Variants in USH2A observed in about 807,000 individuals in gnomAD.
USH2A encodes usherin.
Under a neutral mutation model 538.9 loss-of-function variants are expected in USH2A, and 443 were observed. The ratio of observed to expected loss-of-function variants is 0.82; its 90% CI spans 0.76 to 0.89. The LOEUF (loss-of-function observed/expected upper bound fraction) is 0.89, where lower values mean the gene tolerates loss of function less well. Among genes scored for constraint, USH2A ranks in the 40% least tolerant of loss-of-function variants. The pLI is 0.00. For missense variants in USH2A, 6,633 were observed against 6,324.8 expected, an observed-to-expected ratio of 1.05 and a Z score of -1.65; for synonymous variants, 2,413 against 2,273.5, an observed-to-expected ratio of 1.06 and a Z score of -1.75.
intron 61 of USH2A, among the ~76,000 whole-genome samples, chr1:215,699,623 T>C (rs896627083): frequency 3.2e-4 from 48 of 152,158 alleles, no homozygotes; most frequent in African/African-American, 1.1e-3. Flanking sequence ...CTCTTTCTAT[T>C]ATTGGTGTAT....
chr1:216,267,785 C>T lies in USH2A; in HGVS notation c.1972-16687G>A, dbSNP rs1327901404. On this transcript the variant is annotated intron_variant, in intron 11 of 71. Transcript: ENST00000307340. ...TGTCTTGTCTGAAAATATAACTTCC[C>T]AGTGTACCATACACTCCCCAAGGGC... 2.6e-5 allele frequency among the ~76,000 whole-genome samples: 4 copies of T among 152,048 alleles called. No homozygotes were observed. In the East Asian group the frequency reaches 7.7e-4, roughly 29 times the overall value.
intron 68 of USH2A, 60 bp downstream of exon 68, chr1:215,640,498 T>C: frequency 1.9e-6 from 3 of 1,602,178 alleles, no homozygotes; most frequent in Non-Finnish European, 2.6e-6. Context: ...AGATTTAGCA[T>C]CCCGTAAAGC....
chr1:216,025,051 G>T (rs1668930897), intron 32 of USH2A, among the ~76,000 whole-genome samples: 1 of 151,762 alleles, frequency 6.6e-6, no homozygotes, highest in African/African-American at 2.4e-5. Context: ...ATTTCAGTGA[G>T]GATAACAACA....
intron 34 of USH2A, among the ~76,000 whole-genome samples, chr1:215,997,053 C>A (rs1158138783): frequency 1.3e-5 from 2 of 152,096 alleles, no homozygotes; most frequent in African/African-American, 4.8e-5. Flanking sequence ...AATCTAATGA[C>A]CTTGAAAGCC....
rs780378545 is a variant in USH2A at position 216,086,828 on chromosome 1, AGAG to A, written c.4886-11_4886-9del. On this transcript the variant is annotated splice_polypyrimidine_tract_variant and intron_variant, in intron 23 of 71. Coordinates refer to ENST00000307340, the MANE Select transcript of USH2A (RefSeq NM_206933.4). ...TCAGGATGGCAGAGGAACCTAGAGA[AGAG>A]GAGATGAGAAATACACCTTCACCAG... 2 of 1,601,028 alleles carry A rather than the reference AGAG, an allele frequency of 1.2e-6. No individual in the cohort carries two copies. The highest frequency in any genetic ancestry group is 3.3e-5 in the Admixed American group (2 of 59,780).
chr1:215,901,524 C>A (rs75369310), intron 38 of USH2A: 1,789 of 157,690 alleles, frequency 0.011, 18 homozygotes, highest in Middle Eastern at 0.027. Flanking sequence ...TATACAATTA[C>A]CCTTCTCAGA....
At chr1:216,392,423 C>A (rs1339852048) in intron 3 of USH2A, among the ~76,000 whole-genome samples, 1 of 136,912 alleles carries the variant, frequency 7.3e-6, no homozygotes, top group African/African-American at 2.8e-5. Context: ...CCCCAAGAGG[C>A]AGAGCTTGCA....
At position 216,304,586 on chromosome 1, in the gene USH2A, C is replaced by T. The variant is rs1042232986; in HGVS notation, c.1645-12216G>A. ...GGGTTTGGTTTTTGTTTCTCTAGTTCCTTGAGGTGTGACCTTAGATTGTCT... is the reference window on the plus strand; with the variant it reads ...GGGTTTGGTTTTTGTTTCTCTAGTTTCTTGAGGTGTGACCTTAGATTGTCT... On this transcript the variant is annotated intron_variant, in intron 9 of 71. Coordinates refer to ENST00000307340, the MANE Select transcript of USH2A (RefSeq NM_206933.4). 2.0e-5 allele frequency among the ~76,000 whole-genome samples: 3 copies of T among 151,562 alleles called. 1 individual carries two copies. The highest frequency in any genetic ancestry group is 4.2e-4 in the South Asian group (2 of 4,810).
chr1:216,404,618 C>CTTTTT (rs375562284), intron 3 of USH2A, among the ~76,000 whole-genome samples: 9 of 110,032 alleles, frequency 8.2e-5, no homozygotes, highest in African/African-American at 2.4e-4. Context: ...GAAACATAGG[C>CTTTTT]TTTTTTTTTT....
chr1:216,218,790 A>G (rs2035394670), intron 14 of USH2A, among the ~76,000 whole-genome samples: 1 of 152,074 alleles, frequency 6.6e-6, no homozygotes, highest in South Asian at 2.1e-4. Flanking sequence ...TCAGAATTCC[A>G]TTTCAAATAG....
At position 215,728,076 on chromosome 1, in the gene USH2A, T is replaced by C. The variant is rs1659880509; in HGVS notation, c.12020A>G (p.Asp4007Gly). 2 of 1,614,068 alleles carry C rather than the reference T, an allele frequency of 1.2e-6. No individual in the cohort carries two copies. The highest frequency in any genetic ancestry group is 1.1e-5 in the South Asian group (1 of 91,090). ...GGTAGGGCTGTTAAATGTAGGATCG[T>C]CGGGTCTCTCCTGGTAGACCACACG... is the stretch of plus-strand genomic sequence containing the variant. ...HYRVVYQERP[D>G]DPTFNSPTVH... The change falls in exon 61 of 72, where the codon GAC (aspartate) becomes GGC (glycine). Residue 4007 changes from aspartate to glycine, a missense_variant. Physicochemically the swap from Asp to Gly is moderately conservative, Grantham distance 94. Coordinates refer to ENST00000307340, the MANE Select transcript of USH2A (RefSeq NM_206933.4).
At chr1:216,104,104 A>G (rs570672868) in intron 21 of USH2A, among the ~76,000 whole-genome samples, 40 of 151,902 alleles carry the variant, frequency 2.6e-4, no homozygotes, top group African/African-American at 8.2e-4. Context: ...TTTAGGGTAC[A>G]TGTGCACAAC....
chr1:216,382,069 A>T (rs192968515), intron 3 of USH2A, among the ~76,000 whole-genome samples: 137 of 152,336 alleles, frequency 9.0e-4, no homozygotes, highest in Non-Finnish European at 1.3e-3. Flanking sequence ...GGATGATGCC[A>T]TCACTCATTC....
At chr1:216,333,795 G>A (rs538949787) in intron 4 of USH2A, among the ~76,000 whole-genome samples, 24 of 152,056 alleles carry the variant, frequency 1.6e-4, no homozygotes, top group Non-Finnish European at 3.1e-4. Flanking sequence ...GCGTCCAGAA[G>A]GGAGAAGAAT....
intron 21 of USH2A, among the ~76,000 whole-genome samples, chr1:216,114,545 C>T (rs1291595779): frequency 1.3e-5 from 2 of 152,098 alleles, no homozygotes; most frequent in South Asian, 2.1e-4. Flanking sequence ...TTTTATTCCT[C>T]CTCTTAGCAT....
intron 11 of USH2A, among the ~76,000 whole-genome samples, chr1:216,277,255 G>T (rs913202120): frequency 1.3e-5 from 2 of 152,056 alleles, no homozygotes; most frequent in East Asian, 3.9e-4. Flanking sequence ...CATGTAGGAG[G>T]CAGTAATTGT....
At chr1:215,995,197 A>C (rs1228741134) in intron 34 of USH2A, among the ~76,000 whole-genome samples, 1 of 152,194 alleles carries the variant, frequency 6.6e-6, no homozygotes. Context: ...TGAGGATTTT[A>C]TGATGTCTTC....
At chr1:216,126,231 T>G (rs1320823035) in intron 21 of USH2A, among the ~76,000 whole-genome samples, 1 of 151,852 alleles carries the variant, frequency 6.6e-6, no homozygotes, top group Non-Finnish European at 1.5e-5. Flanking sequence ...TGTTTTGTTT[T>G]TGTTTTTTTT....
intron 55 of USH2A, among the ~76,000 whole-genome samples, chr1:215,778,613 C>A (rs1184750506): frequency 6.6e-6 from 1 of 152,148 alleles, no homozygotes; most frequent in Non-Finnish European, 1.5e-5. Flanking sequence ...CAAGGCCTTT[C>A]TGCACTTTTC....
Sources: gnomAD v4.1 joint callset for allele counts (sites outside exome capture counted in the v4.1 genomes callset) on GRCh38, gnomAD v4.1.1 for gene constraint, MANE v1.5 for transcripts, NCBI Gene and HGNC (gene_info 2026-07-23, HGNC 2026-07-21) for gene names.